The following TAOK3 variants were observed in gnomAD, a reference collection of about 807,000 sequenced individuals.
TAOK3 encodes the protein serine/threonine-protein kinase TAO3.
In TAOK3, 40 loss-of-function variants were observed where a neutral mutation model predicts 120.4. The observed-to-expected ratio is 0.33, with a 90% CI of 0.26 to 0.43. The LOEUF (loss-of-function observed/expected upper bound fraction) is 0.43, where lower values mean the gene tolerates loss of function less well. Among genes scored for constraint, TAOK3 ranks in the 20% least tolerant of loss-of-function variants. TAOK3 has a pLI of 1.00. For synonymous variants in TAOK3, 355 were observed against 387.5 expected (o/e 0.92, Z 0.99); for missense variants, 821 against 1,112.1 (o/e 0.74, Z 3.72).
chr12:118,340,322 G>A (rs926146621), intron 1 of TAOK3, among the ~76,000 whole-genome samples: 1 of 152,154 alleles, frequency 6.6e-6, no homozygotes, highest in Non-Finnish European at 1.5e-5. Flanking sequence ...AAAAGTAAAG[G>A]TGTTATATAA....
intron 11 of TAOK3, among the ~76,000 whole-genome samples, chr12:118,202,088 G>C (rs575245099): frequency 2.7e-5 from 4 of 150,816 alleles, no homozygotes; most frequent in Non-Finnish European, 5.9e-5. Flanking sequence ...AATGTCTTCT[G>C]GGTTCACATG....
chr12:118,322,105 A>G (rs1349076129), intron 1 of TAOK3, among the ~76,000 whole-genome samples: 1 of 152,090 alleles, frequency 6.6e-6, no homozygotes, highest in Non-Finnish European at 1.5e-5. Context: ...ACTTGAGGCC[A>G]GGAGTTAGAG....
rs898683733 is a variant in TAOK3, at chr12:118,160,850, T to C, written c.2140-492A>G. On this transcript the variant is annotated intron_variant, in intron 18 of 20. Transcript: ENST00000392533. The surrounding 1 kb of genome is among the most constrained non-coding windows in gnomAD (Gnocchi z 4.2). ...TTATAGCAATTTCTTATCAACTCCA[T>C]AAAGGAGAGTATATGGATGGTACCT... 2.0e-5 allele frequency among the ~76,000 whole-genome samples: 3 copies of C among 152,184 alleles called. No homozygotes were observed. Among genetic ancestry groups the C allele is most frequent in the African/African-American group, 7.2e-5 (3 of 41,444 alleles).
At chr12:118,197,849 G>A (rs2037811010) in intron 13 of TAOK3, among the ~76,000 whole-genome samples, 2 of 151,762 alleles carry the variant, frequency 1.3e-5, no homozygotes, top group South Asian at 2.1e-4. Flanking sequence ...CACCACACCC[G>A]GCTAATTTTT....
intron 1 of TAOK3, among the ~76,000 whole-genome samples, chr12:118,312,558 T>G (rs149758782): frequency 6.6e-6 from 1 of 152,322 alleles, no homozygotes; most frequent in Non-Finnish European, 1.5e-5. Context: ...ATTACTAATA[T>G]CTAATTCAAT....
chr12:118,317,395 T>C (rs1364346010), intron 1 of TAOK3, among the ~76,000 whole-genome samples: 2 of 149,000 alleles, frequency 1.3e-5, no homozygotes, highest in Admixed American at 1.3e-4. Flanking sequence ...GCCTTCTGGG[T>C]TCACGCCATT....
intron 19 of TAOK3, 138 bp from the exon 20 acceptor site, chr12:118,152,547 G>A (rs962239506): frequency 6.7e-6 from 5 of 747,476 alleles, no homozygotes; most frequent in Non-Finnish European, 8.6e-6. Flanking sequence ...AGATGCTCTG[G>A]GTACATTCAG....
intron 9 of TAOK3, among the ~76,000 whole-genome samples, chr12:118,214,750 T>A (rs898548670): frequency 6.9e-6 from 1 of 145,586 alleles, no homozygotes; most frequent in Non-Finnish European, 1.5e-5. Flanking sequence ...TTCTTTCTTT[T>A]TTTTTTTTTT....
At chr12:118,333,666 C>G (rs926523330) in intron 1 of TAOK3, among the ~76,000 whole-genome samples, 1 of 150,642 alleles carries the variant, frequency 6.6e-6, no homozygotes, top group African/African-American at 2.4e-5. Flanking sequence ...CAGGAGAAAA[C>G]ATGAGAAAAA....
chr12:118,348,642 G>A (rs2044988027), intron 1 of TAOK3, among the ~76,000 whole-genome samples: 1 of 151,946 alleles, frequency 6.6e-6, no homozygotes, highest in Admixed American at 6.6e-5. Flanking sequence ...AGTAGAGACA[G>A]GGTTTCACCA....
At chr12:118,301,754 A>G (rs943161079) in intron 1 of TAOK3, among the ~76,000 whole-genome samples, 15 of 150,072 alleles carry the variant, frequency 1.0e-4, no homozygotes, top group African/African-American at 3.7e-4. Context: ...AGGCGGGAGG[A>G]TCGCTTGAAC....
At chr12:118,166,261 A>C (rs2035572392) in intron 17 of TAOK3, among the ~76,000 whole-genome samples, 1 of 152,152 alleles carries the variant, frequency 6.6e-6, no homozygotes, top group African/African-American at 2.4e-5. Context: ...AAATGAGGCC[A>C]GACGCGGTGG....
intron 1 of TAOK3, among the ~76,000 whole-genome samples, chr12:118,272,908 T>G (rs1282802733): frequency 6.6e-6 from 1 of 151,870 alleles, no homozygotes; most frequent in East Asian, 1.9e-4. Flanking sequence ...CCCAGGAAGC[T>G]GAGGCTATAG....
intron 13 of TAOK3, among the ~76,000 whole-genome samples, chr12:118,197,216 G>T (rs75006977): frequency 6.6e-6 from 1 of 152,048 alleles, no homozygotes; most frequent in Non-Finnish European, 1.5e-5. Context: ...ATTTGCAAAT[G>T]TGTTTTGATT....
intron 1 of TAOK3, among the ~76,000 whole-genome samples, chr12:118,273,581 G>T (rs2140339723): frequency 6.6e-6 from 1 of 152,318 alleles, no homozygotes. Context: ...TTGGGAGGCT[G>T]AGGCAGGTAG....
chr12:118,229,502 C>T (rs888062650), intron 9 of TAOK3, among the ~76,000 whole-genome samples: 3 of 152,082 alleles, frequency 2.0e-5, no homozygotes, highest in Admixed American at 6.6e-5. Flanking sequence ...TAGTCCATAG[C>T]TTGTCTTTTA....
In TAOK3 at chr12:118,291,849, C is replaced by G. The variant is rs111500191; in HGVS notation, c.-193-25090G>C. Among the ~76,000 whole-genome samples the G allele has an allele frequency of 8.9e-3, 1,350 of 152,158 alleles. 21 individuals are homozygous for G. Among genetic ancestry groups the G allele is most frequent in the African/African-American group, 0.031 (1,306 of 41,498 alleles). On this transcript the variant is annotated intron_variant, in intron 1 of 20. Coordinates refer to ENST00000392533, the MANE Select transcript of TAOK3 (RefSeq NM_016281.4). Reference sequence around the variant, plus strand: ...TTTTTTTTTGAGATGGAGTCTCGCTCTGTTGCCCAGGTTGGAGTGCAGTGG... The same window carrying G: ...TTTTTTTTTGAGATGGAGTCTCGCTGTGTTGCCCAGGTTGGAGTGCAGTGG...
chr12:118,208,533 C>G (rs1446298736), intron 11 of TAOK3, among the ~76,000 whole-genome samples: 1 of 151,920 alleles, frequency 6.6e-6, no homozygotes, highest in Non-Finnish European at 1.5e-5. Context: ...GCAATTAAAA[C>G]TATAGTGAGA....
intron 9 of TAOK3, among the ~76,000 whole-genome samples, chr12:118,224,945 C>T (rs774130764): frequency 4.6e-5 from 7 of 151,900 alleles, no homozygotes; most frequent in Non-Finnish European, 8.8e-5. Context: ...CATGTAATTT[C>T]GATGTTAAAA....
Sources: allele counts gnomAD v4.1 joint callset (sites outside exome capture counted in the v4.1 genomes callset), GRCh38; gene constraint gnomAD v4.1.1; non-coding constraint Gnocchi (gnomAD v3.1); transcripts MANE v1.5; gene names NCBI Gene and HGNC (gene_info 2026-07-23, HGNC 2026-07-21).